CFAP43: variants seen among roughly 807,000 people sequenced by gnomAD.
The protein encoded by CFAP43 is cilia- and flagella-associated protein 43.
Under a neutral mutation model 218.9 loss-of-function variants are expected in CFAP43, and 155 were observed. The ratio of observed to expected loss-of-function variants is 0.71; its 90% CI spans 0.62 to 0.81. CFAP43 has a LOEUF of 0.81. Among genes scored for constraint, CFAP43 ranks in the 30% least tolerant of loss-of-function variants. CFAP43 has a pLI of 0.00. For missense variants in CFAP43, 1,778 were observed against 1,954.3 expected (o/e 0.91, Z 1.70); for synonymous variants, 645 against 681.3 (o/e 0.95, Z 0.83).
At chr10:104,188,707 T>G (rs966625142) in intron 12 of CFAP43, among the ~76,000 whole-genome samples, 3 of 151,966 alleles carry the variant, frequency 2.0e-5, no homozygotes, top group African/African-American at 7.3e-5. Context: ...CCCCTATCCC[T>G]CCAAACCAGC....
At chr10:104,201,766 T>C (rs1045608327) in intron 8 of CFAP43, among the ~76,000 whole-genome samples, 2 of 152,208 alleles carry the variant, frequency 1.3e-5, no homozygotes, top group African/African-American at 4.8e-5. Flanking sequence ...CTACTGCTCT[T>C]TATTTTTGTT....
intron 21 of CFAP43, among the ~76,000 whole-genome samples, chr10:104,168,112 C>G (rs2089255917): frequency 1.3e-5 from 2 of 152,010 alleles, no homozygotes; most frequent in Admixed American, 6.5e-5. Flanking sequence ...TGCTACACAC[C>G]CTACAGGGCA....
intron 5 of CFAP43, 50 bp downstream of exon 5, chr10:104,211,957 T>C (rs1197609437): frequency 1.3e-6 from 2 of 1,584,722 alleles, no homozygotes; most frequent in East Asian, 2.3e-5. Flanking sequence ...AGATCAGGCT[T>C]CCTAGACCTC....
In CFAP43 at chr10:104,146,248, G is replaced by GACA. The variant is rs540736268; in HGVS notation, c.3855+12_3855+14dup. On this transcript the variant is annotated intron_variant, in intron 30 of 37. Coordinates refer to ENST00000357060, the MANE Select transcript of CFAP43 (RefSeq NM_025145.7). The stretch of plus-strand genomic sequence containing the variant: ...CTCTACTGCATTGTTGAGTGGGTAA[G>GACA]ACAACAACTCTCACTTTGTCTTCTG... 8.0e-5 allele frequency: 129 copies of GACA among 1,609,314 alleles called. No homozygotes were observed. In the East Asian group the frequency reaches 2.5e-3, roughly 32 times the overall value.
intron 19 of CFAP43, among the ~76,000 whole-genome samples, chr10:104,176,264 AAC>A (rs2089628807): frequency 6.6e-6 from 1 of 152,212 alleles, no homozygotes; most frequent in Admixed American, 6.5e-5. Context: ...TATTAAATAA[AAC>A]AGACTGGGGA....
rs990682614 is a variant in CFAP43, at chr10:104,182,567, T to A, written c.2142-54A>T. 5 of 1,492,546 alleles carry A rather than the reference T, an allele frequency of 3.3e-6. No individual in the cohort carries two copies. In the African/African-American group the frequency reaches 5.7e-5, roughly 17 times the overall value. 92.5% of individuals were successfully genotyped at this position (1,492,546 alleles called of 1,614,324 possible). ...GCTATAAAAATCATAATTTAAAAAA[T>A]CACATTTAGCTGTATTATTTTCAGG... is the stretch of plus-strand genomic sequence containing the variant. On this transcript the variant is annotated intron_variant, in intron 16 of 37. Coordinates refer to ENST00000357060, the MANE Select transcript of CFAP43 (RefSeq NM_025145.7).
At position 104,187,352 on chromosome 10, in the gene CFAP43, G is replaced by A; in HGVS notation, c.1828C>T (p.Pro610Ser). The change falls in exon 14 of 38, where the codon CCA (proline) becomes TCA (serine). Residue 610 changes from proline (P) to serine (S), a missense_variant. Physicochemically the swap from Pro to Ser is moderately conservative, Grantham distance 74. Coordinates refer to ENST00000357060, the MANE Select transcript of CFAP43 (RefSeq NM_025145.7). ...GGAAGAAGGTAGCTACAGATGTATG[G>A]CACTTGACTACAGAAGCCATATATT... is the stretch of plus-strand genomic sequence containing the variant. ...NQIYGFCSQV[P>S]YICSYLLPEE... The A allele has an allele frequency of 6.2e-7, 1 of 1,608,266 alleles. No individual in the cohort carries two copies. Among genetic ancestry groups the A allele is most frequent in the Non-Finnish European group, 8.5e-7 (1 of 1,178,428 alleles).
intron 16 of CFAP43, among the ~76,000 whole-genome samples, chr10:104,183,606 GTCTCGA>G (rs2134882123): frequency 6.6e-6 from 1 of 152,002 alleles, no homozygotes; most frequent in South Asian, 2.1e-4. Context: ...AGCCAGGATG[GTCTCGA>G]TCTCCTGACC....
At chr10:104,148,150 A>G (rs1589640027) in intron 28 of CFAP43, 152 bp from the exon 29 acceptor site, 1 of 432,208 alleles carries the variant, frequency 2.3e-6, no homozygotes. Flanking sequence ...AATACAGCTT[A>G]TTGAAATAAC....
At chr10:104,133,213 A>G (rs1338594163) in intron 35 of CFAP43, among the ~76,000 whole-genome samples, 1 of 152,208 alleles carries the variant, frequency 6.6e-6, no homozygotes. Flanking sequence ...AAACATAGCT[A>G]AGGGCAAAAT....
At chr10:104,208,009 G>A (rs2090748010) in intron 5 of CFAP43, among the ~76,000 whole-genome samples, 185 bp from the exon 6 acceptor site, 1 of 152,086 alleles carries the variant, frequency 6.6e-6, no homozygotes, top group South Asian at 2.1e-4. Context: ...TTTATTATTT[G>A]TACCTTTCAT....
chr10:104,194,939 G>A (rs2090342739), intron 10 of CFAP43, among the ~76,000 whole-genome samples: 1 of 152,172 alleles, frequency 6.6e-6, no homozygotes, highest in South Asian at 2.1e-4. Context: ...CCAATTGAGT[G>A]GGCTTTTTGT....
rs1024375246 is a variant in CFAP43, at chr10:104,154,983, G to A, written c.3541-2257C>T. ...TTTCTGGAGGGGGCGCTCTTTAGGA[G>A]ACACCTGTAAGGGGGTGAGGGAAGC... On this transcript the variant is annotated intron_variant, in intron 27 of 37. Transcript: ENST00000357060. 3.9e-5 allele frequency among the ~76,000 whole-genome samples: 6 copies of A among 152,308 alleles called. No homozygotes were observed. The East Asian group carries it at 5.8e-4, about 15-fold the overall frequency.
chr10:104,230,727 A>G lies in CFAP43; in HGVS notation c.182T>C (p.Leu61Pro). The part of the protein sequence containing the change: ...INIETKKKTV[L>P]QCSNGIVGVM... The stretch of plus-strand genomic sequence containing the variant: ...GCCCACAATTCCATTACTACACTGC[A>G]GTACAGTCTTTTTCTTGGTTTCAAT... Residue 61 changes from leucine (L) to proline (P), a missense_variant, in exon 2 of 38, where the codon CTG (leucine) becomes CCG (proline). Leu to Pro is a moderately conservative substitution (Grantham distance 98). This residue lies in a region of CFAP43 where 1,553 missense variants were observed against 1,685.2 expected (regional missense o/e 0.92). Transcript: ENST00000357060. 6.2e-7 allele frequency: 1 copy of G among 1,614,098 alleles called. No homozygotes were observed. Among genetic ancestry groups the G allele is most frequent in the Non-Finnish European group, 8.5e-7 (1 of 1,180,024 alleles).
At position 104,136,657 on chromosome 10, in the gene CFAP43, G is replaced by A. The variant is rs183706303; in HGVS notation, c.4432-2873C>T. Among the ~76,000 whole-genome samples the A allele has an allele frequency of 3.1e-4, 47 of 152,154 alleles. No homozygotes were observed. The East Asian group carries it at 8.1e-3, about 26-fold the overall frequency. ...GCTGGGATTACAGGCATGAGCCACC[G>A]CACACGGCCTGATTCTTAGATTTAA... On this transcript the variant is annotated intron_variant, in intron 34 of 37. Coordinates refer to ENST00000357060, the MANE Select transcript of CFAP43 (RefSeq NM_025145.7).
In CFAP43 at chr10:104,149,537, C is replaced by T. The variant is rs572456906; in HGVS notation, c.3661-1539G>A. On this transcript the variant is annotated intron_variant, in intron 28 of 37. Transcript: ENST00000357060. ...ATTTGTTTTCATCCTCTGAAAGTGA[C>T]TGATTGGCACTTCTCTTTTTAAAAT... 1.4e-4 allele frequency among the ~76,000 whole-genome samples: 22 copies of T among 152,276 alleles called. No individual in the cohort carries two copies. The South Asian group carries it at 4.6e-3, about 32-fold the overall frequency.
intron 18 of CFAP43, 107 bp downstream of exon 18, chr10:104,179,733 G>T (rs2089759412): frequency 2.5e-6 from 2 of 809,104 alleles, no homozygotes; most frequent in African/African-American, 1.7e-5. Flanking sequence ...CTGCCAAGTG[G>T]TGTCTCATTC....
rs375926424 is a variant in CFAP43 at position 104,131,354 on chromosome 10, C to T, written c.4808G>A (p.Arg1603Lys). The T allele has an allele frequency of 1.2e-6, 2 of 1,611,326 alleles. No homozygotes were observed. The highest frequency in any genetic ancestry group is 1.7e-4 in the Middle Eastern group (1 of 6,052). ...ACCCATTGCATTACAGATGTCTTTT[C>T]TCTCTGAGACAGCTACCAACTCTTC... Reference protein sequence around the residue: ...LREELVAVSERKDICNAMGSK... With the variant: ...LREELVAVSEKKDICNAMGSK... The change falls in exon 37 of 38, where the codon AGA (arginine) becomes AAA (lysine). Residue 1603 changes from arginine (R) to lysine (K), a missense_variant. Transcript: ENST00000357060.
intron 8 of CFAP43, among the ~76,000 whole-genome samples, chr10:104,201,635 T>G (rs1436689174): frequency 6.6e-6 from 1 of 151,928 alleles, no homozygotes; most frequent in Non-Finnish European, 1.5e-5. Context: ...TATATTATTG[T>G]TATTTGGGAT....
Sources: allele counts gnomAD v4.1 joint callset (sites outside exome capture counted in the v4.1 genomes callset), GRCh38; gene constraint gnomAD v4.1.1; regional missense constraint gnomAD v4.1.1; transcripts MANE v1.5; gene names NCBI Gene and HGNC (gene_info 2026-07-23, HGNC 2026-07-21).